The following METTL24 variants were observed in gnomAD, a reference collection of about 807,000 sequenced individuals.
METTL24 encodes the protein probable methyltransferase-like protein 24.
A neutral mutation model predicts 32.7 loss-of-function variants in METTL24; 29 were observed. The ratio of observed to expected loss-of-function variants is 0.89; its 90% CI spans 0.66 to 1.21. METTL24 has a LOEUF of 1.21. Ranked by LOEUF, METTL24 falls within the 50% of genes most tolerant of loss-of-function variation. METTL24 has a pLI of 0.00. For synonymous variants in METTL24, 163 were observed against 179.5 expected (o/e 0.91, Z 0.73); for missense variants, 439 against 468.1 (o/e 0.94, Z 0.57).
At chr6:110,308,396 TCACAA>T (rs1339350770) in intron 3 of METTL24, among the ~76,000 whole-genome samples, 1 of 152,020 alleles carries the variant, frequency 6.6e-6, no homozygotes, top group African/African-American at 2.4e-5. Flanking sequence ...AACAAAAAAC[TCACAA>T]CATAAGCACA....
chr6:110,263,977 G>A (rs182088703), intron 4 of METTL24, among the ~76,000 whole-genome samples: 110 of 152,206 alleles, frequency 7.2e-4, no homozygotes, highest in Middle Eastern at 3.4e-3. Context: ...AATTCAAGGT[G>A]GATTAAAGAC....
At chr6:110,256,142 G>A (rs1052451935) in intron 4 of METTL24, among the ~76,000 whole-genome samples, 4 of 151,928 alleles carry the variant, frequency 2.6e-5, no homozygotes, top group East Asian at 1.9e-4. Flanking sequence ...AAGAAGTCTC[G>A]GGATGTGTGT....
At chr6:110,312,382 C>T (rs1771738138) in intron 3 of METTL24, among the ~76,000 whole-genome samples, 1 of 152,184 alleles carries the variant, frequency 6.6e-6, no homozygotes, top group Admixed American at 6.5e-5. Flanking sequence ...AGCAGTATAT[C>T]AAAGGGATGC....
In METTL24 at chr6:110,310,586, G is replaced by T. The variant is rs78499274; in HGVS notation, c.557+4756C>A. Among the ~76,000 whole-genome samples, 768 of 152,110 alleles carry T rather than the reference G, an allele frequency of 5.0e-3. 6 individuals carry two copies. Among genetic ancestry groups the T allele is most frequent in the African/African-American group, 0.017 (689 of 41,476 alleles). ...TTTCTCCATAATATGTATCTTTTCA[G>T]TGCCTTCCCCTATCTTAATTGGTCT... On this transcript the variant is annotated intron_variant, in intron 3 of 4. Coordinates refer to ENST00000338882, the MANE Select transcript of METTL24 (RefSeq NM_001123364.3).
chr6:110,319,965 G>A (rs1771903415), intron 2 of METTL24, among the ~76,000 whole-genome samples: 1 of 152,072 alleles, frequency 6.6e-6, no homozygotes, highest in African/African-American at 2.4e-5. Context: ...CCCTGTTAGA[G>A]AACACCCAAC....
At chr6:110,284,946 G>A (rs1033762472) in intron 4 of METTL24, among the ~76,000 whole-genome samples, 3 of 152,344 alleles carry the variant, frequency 2.0e-5, no homozygotes, top group Admixed American at 6.5e-5. Flanking sequence ...GCATGAGTTG[G>A]TGGCCCACAG....
chr6:110,295,840 A>AGGAAGGAAGGTT (rs1004909247), intron 4 of METTL24, among the ~76,000 whole-genome samples: 4 of 147,224 alleles, frequency 2.7e-5, no homozygotes, highest in African/African-American at 7.7e-5. Context: ...GAAGGAAGGA[A>AGGAAGGAAGGTT]GGTTCTCTAT....
chr6:110,299,133 G>A lies in METTL24; in HGVS notation c.575C>T (p.Thr192Ile). 1 of 1,613,806 alleles carries A rather than the reference G, an allele frequency of 6.2e-7. No individual in the cohort carries two copies. The highest frequency in any genetic ancestry group is 8.5e-7 in the Non-Finnish European group (1 of 1,179,922). Residue 192 changes from threonine (T) to isoleucine (I), a missense_variant, in exon 4 of 5, where the codon ACC (threonine) becomes ATC (isoleucine). Transcript: ENST00000338882. ...LYSLGLGSDDTHFEVSMANNG... is the reference protein window; with the variant it reads ...LYSLGLGSDDIHFEVSMANNG... ...GTTGGCCATGCTAACCTCAAAATGG[G>A]TATCATCACTTCCTAGCCTATAAAG...
intron 3 of METTL24, among the ~76,000 whole-genome samples, chr6:110,312,503 T>C (rs1234877619): frequency 6.6e-6 from 1 of 152,218 alleles, no homozygotes; most frequent in African/African-American, 2.4e-5. Context: ...CACAATGGAA[T>C]ACTATTTGGC....
intron 4 of METTL24, among the ~76,000 whole-genome samples, chr6:110,287,318 A>G (rs1771240925): frequency 6.6e-6 from 1 of 152,200 alleles, no homozygotes; most frequent in Admixed American, 6.5e-5. Flanking sequence ...CTGCAGATTG[A>G]CGGAGACCGA....
In METTL24 at chr6:110,263,419, C is replaced by T. The variant is rs550315519; in HGVS notation, c.787-17159G>A. 3.3e-3 allele frequency among the ~76,000 whole-genome samples: 503 copies of T among 152,016 alleles called. 1 individual carries two copies. The highest frequency in any genetic ancestry group is 0.011 in the African/African-American group (456 of 41,456). On this transcript the variant is annotated intron_variant, in intron 4 of 4. Coordinates refer to ENST00000338882, the MANE Select transcript of METTL24 (RefSeq NM_001123364.3). Reference sequence around the variant, plus strand: ...CTAGGAATCCAACTTACAAAGGATGCGAAGGACCTCTTCAAGGAGAACTAC... The same window carrying T: ...CTAGGAATCCAACTTACAAAGGATGTGAAGGACCTCTTCAAGGAGAACTAC...
chr6:110,349,755 G>C (rs1288847067), intron 1 of METTL24, among the ~76,000 whole-genome samples: 1 of 152,194 alleles, frequency 6.6e-6, no homozygotes, highest in African/African-American at 2.4e-5. Context: ...AAAAGGAAAA[G>C]TTACAGTTGT....
intron 4 of METTL24, among the ~76,000 whole-genome samples, chr6:110,290,277 A>G (rs542524459): frequency 1.1e-3 from 173 of 152,346 alleles, no homozygotes; most frequent in African/African-American, 4.0e-3. Context: ...CTCAAAATAT[A>G]GAATGTTTCC....
intron 1 of METTL24, among the ~76,000 whole-genome samples, chr6:110,356,722 T>G (rs1275634168): frequency 6.6e-6 from 1 of 152,188 alleles, no homozygotes; most frequent in African/African-American, 2.4e-5. Context: ...GACAGTGAAT[T>G]AGGAACTTGG....
chr6:110,348,664 T>A (rs946440628), intron 1 of METTL24, among the ~76,000 whole-genome samples: 1 of 152,376 alleles, frequency 6.6e-6, no homozygotes, highest in East Asian at 1.9e-4. Context: ...TCTGAAAACA[T>A]GTTTGGAGGT....
intron 4 of METTL24, among the ~76,000 whole-genome samples, chr6:110,296,624 C>T (rs1215795041): frequency 2.6e-5 from 4 of 152,084 alleles, no homozygotes; most frequent in Non-Finnish European, 4.4e-5. Flanking sequence ...CTGGAATCTA[C>T]GTATGGATAT....
chr6:110,266,236 C>A (rs79079240), intron 4 of METTL24, among the ~76,000 whole-genome samples: 9,320 of 152,082 alleles, frequency 0.061, 368 homozygotes, highest in South Asian at 0.16. Flanking sequence ...TTTTAAACTA[C>A]TGTTACTTTT....
chr6:110,280,710 T>C (rs931528017), intron 4 of METTL24, among the ~76,000 whole-genome samples: 2 of 151,880 alleles, frequency 1.3e-5, no homozygotes, highest in African/African-American at 2.4e-5. Flanking sequence ...CTAGAATGCA[T>C]GCAGTGATGC....
At chr6:110,306,457 T>A (rs1735813366) in intron 3 of METTL24, among the ~76,000 whole-genome samples, 1 of 151,906 alleles carries the variant, frequency 6.6e-6, no homozygotes, top group South Asian at 2.1e-4. Flanking sequence ...TCTACCTATA[T>A]ACAAGTGTTT....
Sources: allele counts gnomAD v4.1 joint callset (sites outside exome capture counted in the v4.1 genomes callset), GRCh38; gene constraint gnomAD v4.1.1; transcripts MANE v1.5; gene names NCBI Gene and HGNC (gene_info 2026-07-23, HGNC 2026-07-21).